Variants in BCAT1 observed in about 807,000 individuals in gnomAD.
BCAT1 encodes branched-chain-amino-acid aminotransferase, cytosolic.
Under a neutral mutation model 52.4 loss-of-function variants are expected in BCAT1, and 48 were observed. The ratio of observed to expected loss-of-function variants is 0.92; its 90% CI spans 0.73 to 1.16. The LOEUF (loss-of-function observed/expected upper bound fraction) is 1.16. Among genes scored for constraint, BCAT1 ranks in the 50% most tolerant of loss-of-function variants. The pLI, the probability that BCAT1 is intolerant of heterozygous loss-of-function variation, is 0.00. For missense variants in BCAT1, 451 were observed against 457.1 expected, an observed-to-expected ratio of 0.99 and a Z score of 0.12; for synonymous variants, 167 against 161.3, an observed-to-expected ratio of 1.04 and a Z score of -0.27.
intron 10 of BCAT1, among the ~76,000 whole-genome samples, chr12:24,829,179 T>C (rs1401235956): frequency 1.3e-5 from 2 of 150,774 alleles, no homozygotes; most frequent in African/African-American, 4.9e-5. Flanking sequence ...AGGTCAGGAG[T>C]TCAAGACCAG....
At position 24,881,428 on chromosome 12, in the gene BCAT1, A is replaced by G; in HGVS notation, c.280-17T>C. ...TTCAAATAACTGGAGATCAAAGAGA[A>G]AAAATCTTAGAGGGTAACCAAAAGA... is the stretch of plus-strand genomic sequence containing the variant. On this transcript the variant is annotated splice_polypyrimidine_tract_variant and intron_variant, in intron 3 of 10. Coordinates refer to ENST00000261192, the MANE Select transcript of BCAT1 (RefSeq NM_005504.7). The G allele has an allele frequency of 1.9e-6, 3 of 1,551,922 alleles. No individual in the cohort carries two copies. Among genetic ancestry groups the G allele is most frequent in the Non-Finnish European group, 2.7e-6 (3 of 1,124,420 alleles).
intron 10 of BCAT1, among the ~76,000 whole-genome samples, chr12:24,823,689 C>A (rs1291899241): frequency 2.0e-5 from 3 of 152,042 alleles, no homozygotes; most frequent in East Asian, 3.9e-4. Context: ...GCACCTCCCA[C>A]CCTCCCTCTC....
Position 24,878,661 on chromosome 12 carries a change from A to C in BCAT1, c.391-12T>G, listed in dbSNP as rs781535775. 6.3e-7 allele frequency: 1 copy of C among 1,595,200 alleles called. No homozygotes were observed. The highest frequency in any genetic ancestry group is 8.5e-7 in the Non-Finnish European group (1 of 1,170,200). ...TCTTTGTCAAATACCTGAAAGAATG[A>C]AAAACATAATAAATGACAGAATTTT... On this transcript the variant is annotated splice_polypyrimidine_tract_variant and intron_variant, in intron 4 of 10. Transcript: ENST00000261192.
intron 5 of BCAT1, among the ~76,000 whole-genome samples, chr12:24,864,372 C>T (rs1941941651): frequency 1.3e-5 from 2 of 151,918 alleles, no homozygotes; most frequent in Non-Finnish European, 2.9e-5. Flanking sequence ...GAAGATATAC[C>T]CAACAACCCC....
intron 2 of BCAT1, among the ~76,000 whole-genome samples, chr12:24,900,337 G>A (rs551818361): frequency 2.0e-5 from 3 of 152,324 alleles, no homozygotes; most frequent in African/African-American, 7.2e-5. Context: ...CTGTGACCCA[G>A]CATTTTGGGA....
chr12:24,877,608 T>A (rs1237022437), intron 5 of BCAT1, among the ~76,000 whole-genome samples: 1 of 152,198 alleles, frequency 6.6e-6, no homozygotes, highest in East Asian at 1.9e-4. Flanking sequence ...TTTTTCTATG[T>A]GGGAAGGGGA....
rs186855109 is a variant in BCAT1, at chr12:24,844,793, A to G, written c.675-2569T>C. ...GCGCCTGTAGTCCCAGCTACTCGGG[A>G]GGCTGAGGCAGGAGAATGGCGTGAA... On this transcript the variant is annotated intron_variant, in intron 6 of 10. Transcript: ENST00000261192. Among the ~76,000 whole-genome samples, 28 of 144,132 alleles carry G rather than the reference A, an allele frequency of 1.9e-4. No individual in the cohort carries two copies. The East Asian group carries it at 6.0e-3, about 31-fold the overall frequency. The allele number at this position is 144,132 out of a possible 152,430, so 94.6% of individuals were successfully genotyped here.
At chr12:24,819,720 G>A (rs2060467348) in intron 10 of BCAT1, among the ~76,000 whole-genome samples, 1 of 152,086 alleles carries the variant, frequency 6.6e-6, no homozygotes, top group South Asian at 2.1e-4. Context: ...CTATCCAAGT[G>A]GTAAAAATAC....
intron 3 of BCAT1, 149 bp downstream of exon 3, chr12:24,894,126 C>A: frequency 1.5e-6 from 1 of 670,364 alleles, no homozygotes; most frequent in Admixed American, 3.3e-5. Context: ...ATCCAACTGT[C>A]TATAGGAAAA....
chr12:24,925,016 A>G (rs963903820), intron 1 of BCAT1, among the ~76,000 whole-genome samples: 1 of 152,244 alleles, frequency 6.6e-6, no homozygotes, highest in African/African-American at 2.4e-5. Context: ...TCATCTCTAC[A>G]GAGTGATGGT....
chr12:24,810,497 AAATT>A lies in BCAT1; in HGVS notation c.*7507_*7510del, dbSNP rs1939646624. On this transcript the variant is annotated 3_prime_UTR_variant, in exon 11 of 11. Transcript: ENST00000261192. ...GAAGGAAACTGCTGTCTTATCTGAT[AAATT>A]ATATAAGCTCCAGTAAATGTATGTC... 1 of 152,238 alleles carries A rather than the reference AAATT, an allele frequency of 6.6e-6. No homozygotes were observed. Among genetic ancestry groups the A allele is most frequent in the African/African-American group, 2.4e-5 (1 of 41,474 alleles). 9.4% of individuals were successfully genotyped at this position (152,238 alleles called of 1,614,324 possible). A position where few individuals can be genotyped will look rare whatever the true frequency, so the allele number is the denominator to read the frequency against.
At chr12:24,852,630 A>G (rs1176712654) in intron 5 of BCAT1, among the ~76,000 whole-genome samples, 6 of 152,230 alleles carry the variant, frequency 3.9e-5, no homozygotes, top group African/African-American at 1.4e-4. Flanking sequence ...TACAGAGCAC[A>G]GATAGAAAAT....
At chr12:24,870,595 A>C (rs7138806) in intron 5 of BCAT1, among the ~76,000 whole-genome samples, 2,332 of 152,358 alleles carry the variant, frequency 0.015, 26 homozygotes, top group Middle Eastern at 0.037. Context: ...TTTGCTCAGC[A>C]CAGTATCCCT....
intron 1 of BCAT1, among the ~76,000 whole-genome samples, chr12:24,938,981 T>A (rs1943810658): frequency 6.6e-6 from 1 of 152,114 alleles, no homozygotes; most frequent in Non-Finnish European, 1.5e-5. Flanking sequence ...TTCAAGCAAT[T>A]ATCTGCCTCA....
At chr12:24,876,509 A>T (rs1942348192) in intron 5 of BCAT1, among the ~76,000 whole-genome samples, 1 of 152,182 alleles carries the variant, frequency 6.6e-6, no homozygotes, top group Non-Finnish European at 1.5e-5. Context: ...ATGTCAAGAG[A>T]TTCAAAAAAA....
Position 24,859,546 on chromosome 12 carries a change from G to A in BCAT1, c.511-9597C>T, listed in dbSNP as rs558123523. Among the ~76,000 whole-genome samples, 167 of 148,836 alleles carry A rather than the reference G, an allele frequency of 1.1e-3. 1 individual carries two copies. Among genetic ancestry groups the A allele is most frequent in the African/African-American group, 3.9e-3 (157 of 40,358 alleles). On this transcript the variant is annotated intron_variant, in intron 5 of 10. Transcript: ENST00000261192. ...TGAGGCAGGAGAATGGTGTGAACCC[G>A]GGAGACGGAGCTTGCAGTGAGCCGA...
chr12:24,857,052 G>C (rs559140174), intron 5 of BCAT1, among the ~76,000 whole-genome samples: 2 of 152,280 alleles, frequency 1.3e-5, no homozygotes, highest in African/African-American at 4.8e-5. Context: ...GCTCCTTCTC[G>C]GAGGAGCAAT....
chr12:24,836,491 T>C lies in BCAT1; in HGVS notation c.903+20A>G. 6.3e-7 allele frequency: 1 copy of C among 1,596,498 alleles called. No homozygotes were observed. Among genetic ancestry groups the C allele is most frequent in the Non-Finnish European group, 8.6e-7 (1 of 1,167,562 alleles). ...TTTTATTTCAGGCTTACAAAAGTTGTTCATATCAAAGGCACCCACCCACTG... is the reference window on the plus strand; with the variant it reads ...TTTTATTTCAGGCTTACAAAAGTTGCTCATATCAAAGGCACCCACCCACTG... On this transcript the variant is annotated intron_variant, in intron 8 of 10. Transcript: ENST00000261192.
intron 9 of BCAT1, chr12:24,830,598 T>C (rs1033417033): frequency 2.6e-5 from 4 of 152,230 alleles, no homozygotes; most frequent in African/African-American, 7.2e-5. Context: ...TTATACCCTT[T>C]AGTATAATAT....
Sources: gnomAD v4.1 joint callset for allele counts (sites outside exome capture counted in the v4.1 genomes callset) on GRCh38, gnomAD v4.1.1 for gene constraint, MANE v1.5 for transcripts, NCBI Gene and HGNC (gene_info 2026-07-23, HGNC 2026-07-21) for gene names.